The following ALX4 variants were observed in gnomAD, a reference collection of about 807,000 sequenced individuals.
The protein encoded by ALX4 is homeobox protein aristaless-like 4.
In ALX4, 22 loss-of-function variants were observed where a neutral mutation model predicts 40.6. The observed-to-expected ratio is 0.54, with a 90% CI of 0.39 to 0.77. ALX4 has a LOEUF of 0.77. Ranked by LOEUF, ALX4 falls within the 30% of genes least tolerant of loss-of-function variation. ALX4 has a pLI of 0.00. For missense variants in ALX4, 556 were observed against 564.8 expected, an observed-to-expected ratio of 0.98 and a Z score of 0.16; for synonymous variants, 266 against 240.5, an observed-to-expected ratio of 1.11 and a Z score of -0.98.
At chr11:44,297,679 G>GCAC (rs1157138924) in intron 1 of ALX4, among the ~76,000 whole-genome samples, 4 of 151,926 alleles carry the variant, frequency 2.6e-5, no homozygotes, top group Admixed American at 2.6e-4. Context: ...TTGCGCCACT[G>GCAC]CACTCCAGCC....
intron 1 of ALX4, among the ~76,000 whole-genome samples, chr11:44,305,857 A>G (rs1956463916): frequency 6.6e-6 from 1 of 152,226 alleles, no homozygotes; most frequent in Non-Finnish European, 1.5e-5. Context: ...AGCGAAAGGG[A>G]AGGGAGAAGA....
intron 1 of ALX4, among the ~76,000 whole-genome samples, chr11:44,304,199 G>T (rs1294499449): frequency 6.6e-6 from 1 of 152,222 alleles, no homozygotes; most frequent in Non-Finnish European, 1.5e-5. Context: ...CTGTCACCTC[G>T]GTGAGGACCT....
At chr11:44,308,543 C>T (rs1187609808) in intron 1 of ALX4, among the ~76,000 whole-genome samples, 2 of 152,244 alleles carry the variant, frequency 1.3e-5, no homozygotes, top group Non-Finnish European at 2.9e-5. Context: ...CTTCCCCTTC[C>T]GCTTTGGGGT....
chr11:44,267,439 T>C, intron 3 of ALX4, 55 bp downstream of exon 3: 2 of 1,607,630 alleles, frequency 1.2e-6, no homozygotes, highest in Non-Finnish European at 1.7e-6. Context: ...AAGGGGCTCA[T>C]TCTCAGAGCA....
Position 44,307,558 on chromosome 11 carries a change from C to A in ALX4, c.466+2039G>T, listed in dbSNP as rs559049930. Among the ~76,000 whole-genome samples, 129 of 152,350 alleles carry A rather than the reference C, an allele frequency of 8.5e-4. 1 individual carries two copies. Among genetic ancestry groups the A allele is most frequent in the Middle Eastern group, 3.4e-3 (1 of 294 alleles). On this transcript the variant is annotated intron_variant, in intron 1 of 3. Transcript: ENST00000652299. ...AATGTATCAGCCTCTTCAGAGGTCT[C>A]ACTGGTAATTTTCATTAAAATATGA...
chr11:44,264,717 C>T lies in ALX4; in HGVS notation c.*137G>A, dbSNP rs1357281496. On this transcript the variant is annotated 3_prime_UTR_variant, in exon 4 of 4. Coordinates refer to ENST00000652299, the MANE Select transcript of ALX4 (RefSeq NM_021926.4). ...AGTCCACGGGGCCTCAGACTTGGGGCGGCTGAAAGTGCTGAGGGTCAGGCC... is the reference window on the plus strand; with the variant it reads ...AGTCCACGGGGCCTCAGACTTGGGGTGGCTGAAAGTGCTGAGGGTCAGGCC... 20 of 966,272 alleles carry T rather than the reference C, an allele frequency of 2.1e-5. No individual in the cohort carries two copies. The highest frequency in any genetic ancestry group is 1.2e-4 in the Admixed American group (5 of 40,350). The allele number at this position is 966,272 out of a possible 1,614,324, so 59.9% of individuals were successfully genotyped here. A position where few individuals can be genotyped will look rare whatever the true frequency, so the allele number is the denominator to read the frequency against.
intron 1 of ALX4, among the ~76,000 whole-genome samples, chr11:44,279,903 C>A (rs73541707): frequency 0.1 from 15,394 of 151,954 alleles, 1,011 homozygotes; most frequent in African/African-American, 0.18. Flanking sequence ...GGCAGAGATG[C>A]AGTAAGAGGT....
At chr11:44,298,217 T>G (rs1215912885) in intron 1 of ALX4, among the ~76,000 whole-genome samples, 1 of 152,202 alleles carries the variant, frequency 6.6e-6, no homozygotes, top group African/African-American at 2.4e-5. Flanking sequence ...GGAGATTCAA[T>G]TCCTCCACCT....
intron 1 of ALX4, among the ~76,000 whole-genome samples, chr11:44,299,338 C>T (rs1427168771): frequency 4.7e-5 from 7 of 150,014 alleles, no homozygotes; most frequent in South Asian, 2.1e-4. Flanking sequence ...CTGAGAAGAA[C>T]GCTTTGGGGG....
intron 1 of ALX4, among the ~76,000 whole-genome samples, chr11:44,294,045 T>C (rs1052303307): frequency 6.6e-6 from 1 of 152,132 alleles, no homozygotes; most frequent in Non-Finnish European, 1.5e-5. Flanking sequence ...CACATGCTGG[T>C]CAAGTCTGAT....
intron 1 of ALX4, among the ~76,000 whole-genome samples, chr11:44,284,678 C>T (rs539684148): frequency 1.3e-5 from 2 of 152,198 alleles, no homozygotes; most frequent in Non-Finnish European, 2.9e-5. Flanking sequence ...GACCTGCTTC[C>T]GCTCTGCAGC....
At chr11:44,287,441 G>A (rs1292970818) in intron 1 of ALX4, among the ~76,000 whole-genome samples, 1 of 151,864 alleles carries the variant, frequency 6.6e-6, no homozygotes, top group East Asian at 1.9e-4. Context: ...GAGGCCAGAG[G>A]GGGTAAATGC....
At chr11:44,305,353 G>A (rs945804050) in intron 1 of ALX4, among the ~76,000 whole-genome samples, 2 of 152,202 alleles carry the variant, frequency 1.3e-5, no homozygotes, top group Non-Finnish European at 1.5e-5. Flanking sequence ...GACTGGTGAA[G>A]CAGGCTATGG....
At chr11:44,300,748 TG>T (rs1173873669) in intron 1 of ALX4, among the ~76,000 whole-genome samples, 1 of 152,148 alleles carries the variant, frequency 6.6e-6, no homozygotes, top group East Asian at 1.9e-4. Flanking sequence ...CTGTTATACA[TG>T]ACTATTTCCA....
intron 1 of ALX4, among the ~76,000 whole-genome samples, chr11:44,287,868 G>T (rs896033654): frequency 1.3e-5 from 2 of 152,196 alleles, no homozygotes; most frequent in Non-Finnish European, 2.9e-5. Flanking sequence ...CAACTTCATT[G>T]ACCATCTGGG....
At chr11:44,272,016 C>T (rs1956251008) in intron 2 of ALX4, among the ~76,000 whole-genome samples, 2 of 152,224 alleles carry the variant, frequency 1.3e-5, no homozygotes, top group African/African-American at 4.8e-5. Flanking sequence ...ACCTGTGGGT[C>T]CTCCCCAATC....
At position 44,310,057 on chromosome 11, in the gene ALX4, A is replaced by G. The variant is rs1219855863; in HGVS notation, c.6T>C (p.Asn2=). The G allele has an allele frequency of 6.3e-7, 1 of 1,591,710 alleles. No homozygotes were observed. Among genetic ancestry groups the G allele is most frequent in the East Asian group, 2.3e-5 (1 of 44,006 alleles). The stretch of plus-strand genomic sequence containing the variant: ...CGCAGTAAGAGACGCAAGTCTCAGC[A>G]TTCATGCCTGGCTTGCGCAGGCGGC... M[N]AETCVSYCES... The change falls in exon 1 of 4, where the codon AAT becomes AAC. Residue 2 remains asparagine (N), a synonymous_variant. Coordinates refer to ENST00000652299, the MANE Select transcript of ALX4 (RefSeq NM_021926.4).
At chr11:44,305,495 C>A (rs1408037582) in intron 1 of ALX4, among the ~76,000 whole-genome samples, 1 of 152,242 alleles carries the variant, frequency 6.6e-6, no homozygotes, top group African/African-American at 2.4e-5. Context: ...CCACAGTCAC[C>A]CACAGCAGCT....
chr11:44,289,925 C>T (rs1032579282), intron 1 of ALX4, among the ~76,000 whole-genome samples: 4 of 152,158 alleles, frequency 2.6e-5, no homozygotes, highest in Non-Finnish European at 5.9e-5. Context: ...ACAGAGTCTC[C>T]CATGCTCTCC....
Sources: gnomAD v4.1 joint callset for allele counts (sites outside exome capture counted in the v4.1 genomes callset) on GRCh38, gnomAD v4.1.1 for gene constraint, MANE v1.5 for transcripts, NCBI Gene and HGNC (gene_info 2026-07-23, HGNC 2026-07-21) for gene names.